LRRIQ4: variants seen among roughly 807,000 people sequenced by gnomAD.
LRRIQ4 encodes leucine rich repeats and IQ motif containing 4.
In LRRIQ4, 21 loss-of-function variants were observed where a neutral mutation model predicts 40.1. The observed-to-expected ratio is 0.52, with a 90% CI of 0.37 to 0.75. The LOEUF (loss-of-function observed/expected upper bound fraction) is 0.75, where lower values mean the gene tolerates loss of function less well. Ranked by LOEUF, LRRIQ4 falls within the 30% of genes least tolerant of loss-of-function variation. The pLI is 0.00. For missense variants in LRRIQ4, 655 were observed against 660.0 expected, an observed-to-expected ratio of 0.99 and a Z score of 0.08; for synonymous variants, 277 against 277.1, an observed-to-expected ratio of 1.00 and a Z score of 0.00.
intron 5 of LRRIQ4, 38 bp downstream of exon 5, chr3:169,833,221 G>C: frequency 1.3e-6 from 2 of 1,545,076 alleles, no homozygotes; most frequent in African/African-American, 1.4e-5. Flanking sequence ...AGTTGCTTTA[G>C]AGGGAGTCTA....
intron 2 of LRRIQ4, among the ~76,000 whole-genome samples, chr3:169,824,935 C>G (rs1780006407): frequency 6.6e-6 from 1 of 152,064 alleles, no homozygotes; most frequent in Non-Finnish European, 1.5e-5. Flanking sequence ...CTTTACCTGG[C>G]CATGGACACC....
chr3:169,830,716 C>A, intron 4 of LRRIQ4, 86 bp downstream of exon 4: 1 of 1,498,498 alleles, frequency 6.7e-7, no homozygotes, highest in Non-Finnish European at 9.1e-7. Context: ...TTGCTAAAGA[C>A]CTATCTCAGT....
At chr3:169,832,478 A>G (rs971428307) in intron 4 of LRRIQ4, among the ~76,000 whole-genome samples, 1 of 151,224 alleles carries the variant, frequency 6.6e-6, no homozygotes, top group Admixed American at 6.6e-5. Flanking sequence ...AAAAAAAAAA[A>G]AAAAATAGCC....
intron 1 of LRRIQ4, among the ~76,000 whole-genome samples, chr3:169,819,373 A>G (rs951963032): frequency 6.6e-6 from 1 of 152,226 alleles, no homozygotes; most frequent in African/African-American, 2.4e-5. Context: ...CAGATATTCT[A>G]AGCAGGTCTT....
At chr3:169,835,101 G>A (rs116126218) in intron 5 of LRRIQ4, among the ~76,000 whole-genome samples, 2,827 of 152,116 alleles carry the variant, frequency 0.019, 30 homozygotes, top group Non-Finnish European at 0.027. Flanking sequence ...CCTTGTTCAC[G>A]TAGATGAGTT....
chr3:169,835,979 C>T (rs1173561401), intron 5 of LRRIQ4, among the ~76,000 whole-genome samples: 1 of 152,052 alleles, frequency 6.6e-6, no homozygotes, highest in Non-Finnish European at 1.5e-5. Context: ...AGCATACCCC[C>T]AGCCACCTCT....
In LRRIQ4 at chr3:169,822,212, G is replaced by A; in HGVS notation, c.291G>A (p.Glu97=). Reference sequence around the variant, plus strand: ...CGCTGGGGCTGCTGAGCAGCCTGGAGAGCCTGGACCTGAGCTACAACCCCA... The same window carrying A: ...CGCTGGGGCTGCTGAGCAGCCTGGAAAGCCTGGACCTGAGCTACAACCCCA... ...CPALGLLSSL[E]SLDLSYNPIF... Residue 97 remains glutamate (E), a synonymous_variant, in exon 2 of 6, where the codon GAG becomes GAA. Coordinates refer to ENST00000340806, the MANE Select transcript of LRRIQ4 (RefSeq NM_001080460.3). The A allele has an allele frequency of 6.2e-7, 1 of 1,601,276 alleles. No individual in the cohort carries two copies. Among genetic ancestry groups the A allele is most frequent in the South Asian group, 1.1e-5 (1 of 88,790 alleles).
intron 1 of LRRIQ4, among the ~76,000 whole-genome samples, chr3:169,818,517 T>C (rs930449841): frequency 7.2e-5 from 11 of 152,228 alleles, no homozygotes; most frequent in Admixed American, 4.6e-4. Context: ...TGACTCCCTG[T>C]TGAAGAATTT....
At position 169,822,571 on chromosome 3, in the gene LRRIQ4, A is replaced by C; in HGVS notation, c.650A>C (p.Tyr217Ser). The C allele has an allele frequency of 6.2e-7, 1 of 1,614,008 alleles. No individual in the cohort carries two copies. Among genetic ancestry groups the C allele is most frequent in the South Asian group, 1.1e-5 (1 of 91,078 alleles). The change falls in exon 2 of 6, where the codon TAT becomes TCT. Residue 217 changes from tyrosine to serine, a missense_variant. By Grantham distance (144) the Tyr-to-Ser change is moderately radical (BLOSUM62 -2). Coordinates refer to ENST00000340806, the MANE Select transcript of LRRIQ4 (RefSeq NM_001080460.3). ...CACCTGACGGGGCTGCAGAAGTTCTATATGGCTTCTAACAACCTTCCCGTT... is the reference window on the plus strand; with the variant it reads ...CACCTGACGGGGCTGCAGAAGTTCTCTATGGCTTCTAACAACCTTCCCGTT... Reference protein sequence around the residue: ...IGHLTGLQKFYMASNNLPVLP... With the variant: ...IGHLTGLQKFSMASNNLPVLP...
intron 2 of LRRIQ4, among the ~76,000 whole-genome samples, chr3:169,826,047 T>C (rs1470232429): frequency 6.6e-6 from 1 of 152,104 alleles, no homozygotes; most frequent in Non-Finnish European, 1.5e-5. Flanking sequence ...AAATATCTGA[T>C]TTTCAATGTG....
intron 4 of LRRIQ4, among the ~76,000 whole-genome samples, chr3:169,831,695 C>G (rs1053804582): frequency 6.6e-6 from 1 of 151,016 alleles, no homozygotes; most frequent in South Asian, 2.1e-4. Flanking sequence ...CAAGGCCAGG[C>G]GCGGTGCTCA....
chr3:169,818,587 C>T (rs765860117), intron 1 of LRRIQ4, among the ~76,000 whole-genome samples: 4 of 152,058 alleles, frequency 2.6e-5, no homozygotes, highest in South Asian at 2.1e-4. Flanking sequence ...GTTTTCAAGG[C>T]GAGAAAGGGA....
rs779021386 is a variant in LRRIQ4 at position 169,822,257 on chromosome 3, C to A, written c.336C>A (p.Val112=). The part of the protein sequence containing the change: ...SYNPIFSSSL[V]VVSFLHALRE... ...ACCCCATCTTCTCCTCCTCCCTTGT[C>A]GTTGTCAGCTTCCTCCACGCCCTGC... Residue 112 remains valine, a synonymous_variant, in exon 2 of 6, where the codon GTC becomes GTA. Coordinates refer to ENST00000340806, the MANE Select transcript of LRRIQ4 (RefSeq NM_001080460.3). 6.2e-7 allele frequency: 1 copy of A among 1,609,728 alleles called. No individual in the cohort carries two copies. Among genetic ancestry groups the A allele is most frequent in the East Asian group, 2.2e-5 (1 of 44,874 alleles).
chr3:169,817,669 A>G lies in LRRIQ4; in HGVS notation c.-31-4222A>G, dbSNP rs543963663. Among the ~76,000 whole-genome samples, 105 of 152,086 alleles carry G rather than the reference A, an allele frequency of 6.9e-4. No homozygotes were observed. In the Middle Eastern group the frequency reaches 0.014, roughly 20 times the overall value. On this transcript the variant is annotated intron_variant, in intron 1 of 5. Coordinates refer to ENST00000340806, the MANE Select transcript of LRRIQ4 (RefSeq NM_001080460.3). ...ATCCTCTTGCTGAATGAACCCCTTTATCATTATATAATGACCTTTTTTGTC... is the reference window on the plus strand; with the variant it reads ...ATCCTCTTGCTGAATGAACCCCTTTGTCATTATATAATGACCTTTTTTGTC...
rs1779898275 is a variant in LRRIQ4 at position 169,821,899 on chromosome 3, T to C, written c.-23T>C. The C allele has an allele frequency of 7.2e-7, 1 of 1,382,094 alleles. No homozygotes were observed. Among genetic ancestry groups the C allele is most frequent in the Non-Finnish European group, 9.5e-7 (1 of 1,054,792 alleles). 85.6% of individuals were successfully genotyped at this position (1,382,094 alleles called of 1,614,324 possible). A position where few individuals can be genotyped will look rare whatever the true frequency, so the allele number is the denominator to read the frequency against. On this transcript the variant is annotated 5_prime_UTR_variant, in exon 2 of 6. Coordinates refer to ENST00000340806, the MANE Select transcript of LRRIQ4 (RefSeq NM_001080460.3). ...TTTTCACAATATTTCAGATTTTGAA[T>C]ATTTGAGCTTTTCTTCACAATAATG...
In LRRIQ4 at chr3:169,822,378, C is replaced by A. The variant is rs1471253536; in HGVS notation, c.457C>A (p.His153Asn). The A allele has an allele frequency of 3.1e-6, 5 of 1,612,340 alleles. No individual in the cohort carries two copies. The highest frequency in any genetic ancestry group is 2.2e-5 in the East Asian group (1 of 44,900). ...HLELLGLTGN[H>N]LKCLPKEIVN... ...CGAGCTGCTCGGACTGACCGGAAAC[C>A]ACCTGAAATGTCTGCCCAAGGAAAT... Residue 153 changes from histidine to asparagine, a missense_variant, in exon 2 of 6, where the codon CAC becomes AAC. Transcript: ENST00000340806.
intron 3 of LRRIQ4, 146 bp downstream of exon 3, chr3:169,829,078 A>G: frequency 1.4e-6 from 1 of 722,690 alleles, no homozygotes; most frequent in Non-Finnish European, 2.2e-6. Flanking sequence ...TCATTTTTAC[A>G]TTTTGAGGTT....
intron 1 of LRRIQ4, among the ~76,000 whole-genome samples, chr3:169,813,675 C>T (rs1779688818): frequency 6.6e-6 from 1 of 152,198 alleles, no homozygotes; most frequent in Non-Finnish European, 1.5e-5. Context: ...GATATTTAAA[C>T]TCCCAAAAAA....
chr3:169,821,146 T>C (rs1217787220), intron 1 of LRRIQ4, among the ~76,000 whole-genome samples: 4 of 152,226 alleles, frequency 2.6e-5, no homozygotes, highest in Non-Finnish European at 4.4e-5. Flanking sequence ...CTCTAGAATA[T>C]AGTGTTTTTG....
Sources: gnomAD v4.1 joint callset for allele counts (sites outside exome capture counted in the v4.1 genomes callset) on GRCh38, gnomAD v4.1.1 for gene constraint, MANE v1.5 for transcripts, NCBI Gene and HGNC (gene_info 2026-07-23, HGNC 2026-07-21) for gene names.